SORCS2: variants seen among roughly 807,000 people sequenced by gnomAD.
SORCS2 encodes VPS10 domain-containing receptor SorCS2.
A neutral mutation model predicts 141.6 loss-of-function variants in SORCS2; 100 were observed. The observed-to-expected ratio is 0.71, with a 90% CI of 0.60 to 0.83. SORCS2 has a LOEUF of 0.83. SORCS2 is among the 40% of genes least tolerant of loss of function. The probability of loss-of-function intolerance (pLI) is 0.00; values close to 1 mark genes in which losing one functional copy is unlikely to be tolerated. For missense variants in SORCS2, 1,646 were observed against 1,560.2 expected (o/e 1.05, Z -0.93); for synonymous variants, 789 against 676.9 (o/e 1.17, Z -2.57).
At chr4:7,308,193 C>T (rs538457325) in intron 1 of SORCS2, among the ~76,000 whole-genome samples, 36 of 152,260 alleles carry the variant, frequency 2.4e-4, no homozygotes, top group South Asian at 8.3e-4. Flanking sequence ...AGGCCGAGTC[C>T]CTGCGTGAAA....
chr4:7,602,704 A>G (rs1251209583), intron 3 of SORCS2, among the ~76,000 whole-genome samples: 3 of 148,620 alleles, frequency 2.0e-5, no homozygotes, highest in Non-Finnish European at 4.5e-5. Flanking sequence ...GGCTCCTCAC[A>G]TCCCAGACGA....
intron 1 of SORCS2, among the ~76,000 whole-genome samples, chr4:7,203,169 C>T (rs1176965343): frequency 3.9e-5 from 6 of 152,220 alleles, no homozygotes; most frequent in Admixed American, 6.5e-5. Context: ...TGGTGGCTCA[C>T]GCCTGTAATC....
chr4:7,595,112 C>T (rs1272204441), intron 3 of SORCS2, among the ~76,000 whole-genome samples: 1 of 152,162 alleles, frequency 6.6e-6, no homozygotes, highest in Non-Finnish European at 1.5e-5. Context: ...TGGGTCAAAA[C>T]TCAGGGGGTT....
Position 7,531,570 on chromosome 4 carries a change from C to T in SORCS2, c.589C>T (p.Gln197Ter). ...FGTSYTKLTL[Q>*]PGVTTVIDNF... ...GACGTCCTACACCAAGCTCACCCTC[C>T]AGCCTGGTGTCACCACCGTCATCGA... Residue 197 changes from glutamine to a stop codon, truncating the protein, a stop_gained, in exon 3 of 27, where the codon CAG becomes TAG. Coordinates refer to ENST00000507866, the MANE Select transcript of SORCS2 (RefSeq NM_020777.3). LOFTEE classifies it high-confidence loss of function. The T allele has an allele frequency of 6.2e-7, 1 of 1,613,900 alleles. No individual in the cohort carries two copies. The highest frequency in any genetic ancestry group is 8.5e-7 in the Non-Finnish European group (1 of 1,179,864).
intron 1 of SORCS2, among the ~76,000 whole-genome samples, chr4:7,272,076 C>A (rs1257323643): frequency 1.3e-5 from 2 of 152,312 alleles, no homozygotes; most frequent in East Asian, 3.9e-4. Context: ...ATGGGAGGTG[C>A]TTTTGAGGAC....
At chr4:7,590,058 T>G (rs1716812592) in intron 3 of SORCS2, among the ~76,000 whole-genome samples, 1 of 152,126 alleles carries the variant, frequency 6.6e-6, no homozygotes, top group African/African-American at 2.4e-5. Context: ...GGAATGGCTA[T>G]TTATTGCTGT....
chr4:7,508,098 T>A (rs1046933206), intron 2 of SORCS2, among the ~76,000 whole-genome samples: 2 of 151,808 alleles, frequency 1.3e-5, no homozygotes, highest in Non-Finnish European at 2.9e-5. Flanking sequence ...TGGTCCCGGC[T>A]GGGGTGTTTG....
chr4:7,548,403 C>G (rs991602563), intron 3 of SORCS2, among the ~76,000 whole-genome samples: 1 of 152,136 alleles, frequency 6.6e-6, no homozygotes, highest in African/African-American at 2.4e-5. Flanking sequence ...TATCACGGAG[C>G]TGAAGTCAAA....
chr4:7,272,339 A>T (rs974493068), intron 1 of SORCS2, among the ~76,000 whole-genome samples: 1 of 152,250 alleles, frequency 6.6e-6, no homozygotes, highest in Non-Finnish European at 1.5e-5. Flanking sequence ...TCTAAGTTGC[A>T]TCATTACTTT....
intron 18 of SORCS2, among the ~76,000 whole-genome samples, chr4:7,722,653 A>G (rs575152331): frequency 1.3e-5 from 2 of 152,250 alleles, no homozygotes; most frequent in South Asian, 2.1e-4. Context: ...GGCCCACCCT[A>G]ATCCAGTATG....
chr4:7,241,653 G>T (rs374199994), intron 1 of SORCS2, among the ~76,000 whole-genome samples: 9 of 152,136 alleles, frequency 5.9e-5, no homozygotes, highest in Admixed American at 4.6e-4. Flanking sequence ...CACAGGAGAC[G>T]CACTGAGAAC....
At chr4:7,556,269 T>G (rs1478425998) in intron 3 of SORCS2, among the ~76,000 whole-genome samples, 4 of 152,066 alleles carry the variant, frequency 2.6e-5, no homozygotes, top group African/African-American at 9.7e-5. Context: ...AAGAGTGGGC[T>G]TGTGAGGACC....
At chr4:7,412,350 G>T (rs1421231825) in intron 2 of SORCS2, among the ~76,000 whole-genome samples, 1 of 152,278 alleles carries the variant, frequency 6.6e-6, no homozygotes. Context: ...GAGTGAGGCT[G>T]GCAGCTTCTG....
At chr4:7,550,704 T>A (rs1261816400) in intron 3 of SORCS2, among the ~76,000 whole-genome samples, 1 of 152,212 alleles carries the variant, frequency 6.6e-6, no homozygotes, top group African/African-American at 2.4e-5. Flanking sequence ...GGAAACTTGA[T>A]GGACTCTTCC....
chr4:7,317,118 G>C (rs1718611800), intron 1 of SORCS2, among the ~76,000 whole-genome samples: 1 of 152,204 alleles, frequency 6.6e-6, no homozygotes, highest in Non-Finnish European at 1.5e-5. Context: ...AATGTGTGCA[G>C]ATCAAGAGCT....
rs1261454986 is a variant in SORCS2 at position 7,556,507 on chromosome 4, C to G, written c.648+24878C>G. Among the ~76,000 whole-genome samples, 5 of 152,256 alleles carry G rather than the reference C, an allele frequency of 3.3e-5. No individual in the cohort carries two copies. In the East Asian group the frequency reaches 7.7e-4, roughly 24 times the overall value. ...TATCACTGGCACGGACTCAGCTGGACACATGGAAAGACCCAGGAGGCTGAG... is the reference window on the plus strand; with the variant it reads ...TATCACTGGCACGGACTCAGCTGGAGACATGGAAAGACCCAGGAGGCTGAG... On this transcript the variant is annotated intron_variant, in intron 3 of 26. Coordinates refer to ENST00000507866, the MANE Select transcript of SORCS2 (RefSeq NM_020777.3).
intron 2 of SORCS2, among the ~76,000 whole-genome samples, chr4:7,497,480 C>T (rs1731699997): frequency 6.6e-6 from 1 of 152,230 alleles, no homozygotes; most frequent in Admixed American, 6.5e-5. Context: ...AGCCCAGCTC[C>T]TTGGCAGGAG....
Position 7,543,071 on chromosome 4 carries a change from C to G in SORCS2, c.648+11442C>G, listed in dbSNP as rs572447661. On this transcript the variant is annotated intron_variant, in intron 3 of 26. Coordinates refer to ENST00000507866, the MANE Select transcript of SORCS2 (RefSeq NM_020777.3). ...GCACGTGTCAGTGGCCAGCACATGG[C>G]AGTGGACAGCCCAGGTTTTGGGGGG... is the stretch of plus-strand genomic sequence containing the variant. 5.9e-5 allele frequency among the ~76,000 whole-genome samples: 9 copies of G among 152,316 alleles called. No homozygotes were observed. The East Asian group carries it at 1.7e-3, about 30-fold the overall frequency.
intron 1 of SORCS2, among the ~76,000 whole-genome samples, chr4:7,245,856 T>C (rs1713045870): frequency 6.6e-6 from 1 of 152,062 alleles, no homozygotes; most frequent in South Asian, 2.1e-4. Flanking sequence ...CCTTTACAGA[T>C]GAGGAAACTG....
Sources: allele counts gnomAD v4.1 joint callset (sites outside exome capture counted in the v4.1 genomes callset), GRCh38; gene constraint gnomAD v4.1.1; transcripts MANE v1.5; gene names NCBI Gene and HGNC (gene_info 2026-07-23, HGNC 2026-07-21).